SCN7A: variants seen among roughly 807,000 people sequenced by gnomAD.
SCN7A encodes the protein sodium voltage-gated channel alpha subunit 7.
In SCN7A, 138 loss-of-function variants were observed where a neutral mutation model predicts 155.2. That is an observed-to-expected ratio of 0.89 (90% CI 0.77 to 1.02). The LOEUF (loss-of-function observed/expected upper bound fraction) is 1.02, where lower values mean the gene tolerates loss of function less well. SCN7A is among the 50% of genes least tolerant of loss of function. SCN7A has a pLI of 0.00. For synonymous variants in SCN7A, 693 were observed against 649.0 expected, an observed-to-expected ratio of 1.07 and a Z score of -1.03; for missense variants, 2,058 against 1,986.6, an observed-to-expected ratio of 1.04 and a Z score of -0.68.
chr2:166,477,573 G>T lies in SCN7A; in HGVS notation c.124C>A (p.Pro42Thr). Reference protein sequence around the residue: ...DHEEEDLKPTPDLEVGKKLPF... With the variant: ...DHEEEDLKPTTDLEVGKKLPF... ...AGCTTTTTGCCAACTTCCAAATCAG[G>T]AGTTGGCTTTAAGTCTTCTTCTTCA... is the stretch of plus-strand genomic sequence containing the variant. Residue 42 changes from proline to threonine, a missense_variant, in exon 3 of 26, where the codon CCT becomes ACT. Physicochemically the swap from Pro to Thr is conservative, Grantham distance 38. Transcript: ENST00000643258. 1 of 1,582,254 alleles carries T rather than the reference G, an allele frequency of 6.3e-7. No homozygotes were observed. The highest frequency in any genetic ancestry group is 8.6e-7 in the Non-Finnish European group (1 of 1,161,990).
chr2:166,444,865 T>A lies in SCN7A; in HGVS notation c.1523A>T (p.Asp508Val). 6.2e-7 allele frequency: 1 copy of A among 1,612,510 alleles called. No individual in the cohort carries two copies. Among genetic ancestry groups the A allele is most frequent in the Non-Finnish European group, 8.5e-7 (1 of 1,178,858 alleles). Residue 508 changes from aspartate (D) to valine (V), a missense_variant, in exon 13 of 26, where the codon GAT becomes GTT. Transcript: ENST00000643258. ...AATTATGCATATGATAAGGAAAAGA[T>A]CAGTAAATGGTGCCATTATAATCCT... ...VHRIIMAPFT[D>V]LFLIICIILN...
At chr2:166,492,186 A>T (rs576818093) in intron 1 of SCN7A, among the ~76,000 whole-genome samples, 13 of 152,158 alleles carry the variant, frequency 8.5e-5, no homozygotes, top group African/African-American at 2.6e-4. Flanking sequence ...GTAGAGACTG[A>T]TATGCAGCAG....
intron 15 of SCN7A, among the ~76,000 whole-genome samples, chr2:166,433,110 G>A (rs1320338383): frequency 1.3e-5 from 2 of 151,982 alleles, no homozygotes; most frequent in Non-Finnish European, 2.9e-5. Context: ...TAAGCTTGTG[G>A]GAGTTATTTA....
chr2:166,410,294 T>C lies in SCN7A; in HGVS notation c.3637A>G (p.Lys1213Glu). ...AGCCTGCGGTACTGTTTTCTCTGTTTAACCGTTATAAAGATATTTGAGCCT... is the reference window on the plus strand; with the variant it reads ...AGCCTGCGGTACTGTTTTCTCTGTTCAACCGTTATAAAGATATTTGAGCCT... ...LGGSNIFITVKQRKQYRRLKK... is the reference protein window; with the variant it reads ...LGGSNIFITVEQRKQYRRLKK... The change falls in exon 24 of 26, where the codon AAA becomes GAA. Residue 1213 changes from lysine to glutamate, a missense_variant. Transcript: ENST00000643258. 6.4e-7 allele frequency: 1 copy of C among 1,551,734 alleles called. No homozygotes were observed. The highest frequency in any genetic ancestry group is 8.7e-7 in the Non-Finnish European group (1 of 1,146,552).
chr2:166,461,048 CTTT>C (rs34717897), intron 10 of SCN7A, among the ~76,000 whole-genome samples: 23,437 of 96,460 alleles, frequency 0.24, 2,222 homozygotes, highest in Admixed American at 0.29. Flanking sequence ...GTAATATTTT[CTTT>C]TTTTTTTTTT....
intron 9 of SCN7A, among the ~76,000 whole-genome samples, chr2:166,463,509 C>T (rs560597407): frequency 6.6e-6 from 1 of 152,162 alleles, no homozygotes; most frequent in South Asian, 2.1e-4. Context: ...ACCATGCAGC[C>T]AAGTATGACT....
chr2:166,459,604 T>C (rs1203137230), intron 10 of SCN7A, among the ~76,000 whole-genome samples: 1 of 152,166 alleles, frequency 6.6e-6, no homozygotes, highest in African/African-American at 2.4e-5. Context: ...CTATCCATAA[T>C]TAGTTCAGTT....
intron 11 of SCN7A, 47 bp downstream of exon 11, chr2:166,456,803 AATATATATATATATATATAT>A: frequency 7.9e-6 from 4 of 504,834 alleles, no homozygotes; most frequent in Non-Finnish European, 9.2e-6. Context: ...TCAAGACTAA[AATATATATATATATATATAT>A]ATATATAGAT....
Position 166,472,375 on chromosome 2 carries a change from A to T in SCN7A, c.514T>A (p.Ser172Thr). The T allele has an allele frequency of 6.2e-7, 1 of 1,608,932 alleles. No homozygotes were observed. Among genetic ancestry groups the T allele is most frequent in the Admixed American group, 1.7e-5 (1 of 59,498 alleles). Residue 172 changes from serine (S) to threonine (T), a missense_variant, in exon 6 of 26, where the codon TCA becomes ACA. Physicochemically the swap from Ser to Thr is moderately conservative, Grantham distance 58. Coordinates refer to ENST00000643258, the MANE Select transcript of SCN7A (RefSeq NM_002976.4). ...KLFARGVWAG[S>T]FSFLGDPWNW... ...CATGGATCACCGAGGAAGGAAAATG[A>T]TCCTGCCCAGACACCTCTTGCAAAG... is the stretch of plus-strand genomic sequence containing the variant.
rs757205344 is a variant in SCN7A at position 166,465,839 on chromosome 2, G to C, written c.813C>G (p.Pro271=). ...GNLKHKCFRW[P]QENENETLHN... ...GCAGGGTTTCATTTTCATTCTCTTG[G>C]GGCCATCGAAAACATTTATGTTTCA... is the stretch of plus-strand genomic sequence containing the variant. The change falls in exon 8 of 26, where the codon CCC becomes CCG. Residue 271 remains proline, a synonymous_variant. Coordinates refer to ENST00000643258, the MANE Select transcript of SCN7A (RefSeq NM_002976.4). 1 of 1,613,512 alleles carries C rather than the reference G, an allele frequency of 6.2e-7. No individual in the cohort carries two copies. The highest frequency in any genetic ancestry group is 8.5e-7 in the Non-Finnish European group (1 of 1,179,834).
intron 7 of SCN7A, among the ~76,000 whole-genome samples, chr2:166,467,016 T>C (rs1177004334): frequency 6.6e-6 from 1 of 151,950 alleles, no homozygotes; most frequent in African/African-American, 2.4e-5. Context: ...TTTGACATCA[T>C]AATAAAATCT....
At chr2:166,476,936 T>A (rs565445733) in intron 3 of SCN7A, among the ~76,000 whole-genome samples, 2 of 152,200 alleles carry the variant, frequency 1.3e-5, no homozygotes, top group East Asian at 3.9e-4. Flanking sequence ...ATTATTTTTA[T>A]ATTTAGCATT....
intron 2 of SCN7A, among the ~76,000 whole-genome samples, chr2:166,485,533 G>A (rs746470793): frequency 6.6e-6 from 1 of 152,080 alleles, no homozygotes; most frequent in Non-Finnish European, 1.5e-5. Flanking sequence ...AAAAGGACAC[G>A]AATCACTGGG....
chr2:166,465,150 G>GACACAGCAAAAAGGTACCATC (rs1702500522), intron 9 of SCN7A, among the ~76,000 whole-genome samples: 1 of 152,098 alleles, frequency 6.6e-6, no homozygotes, highest in South Asian at 2.1e-4. Context: ...GCTATGTGAG[G>GACACAGCAAAAAGGTACCATC]ACACAGCAAA....
rs537315701 is a variant in SCN7A at position 166,404,142 on chromosome 2, A to G, written c.*1438T>C. On this transcript the variant is annotated 3_prime_UTR_variant, in exon 26 of 26. Coordinates refer to ENST00000643258, the MANE Select transcript of SCN7A (RefSeq NM_002976.4). ...AACATATTTAAAGGATGATATTTAAATCAATAATATATAAATTTTCTTTCT... is the reference window on the plus strand; with the variant it reads ...AACATATTTAAAGGATGATATTTAAGTCAATAATATATAAATTTTCTTTCT... The G allele has an allele frequency of 6.6e-6, 1 of 152,070 alleles. No individual in the cohort carries two copies. Among genetic ancestry groups the G allele is most frequent in the South Asian group, 2.1e-4 (1 of 4,828 alleles). The allele number at this position is 152,070 out of a possible 1,614,324, so 9.4% of individuals were successfully genotyped here.
At chr2:166,439,051 G>GTATATATATATATA (rs1200483058) in intron 15 of SCN7A, among the ~76,000 whole-genome samples, 1 of 67,496 alleles carries the variant, frequency 1.5e-5, no homozygotes, top group African/African-American at 8.3e-5. Flanking sequence ...ATGTGTGTGT[G>GTATATATATATATA]TGTGTATATA....
chr2:166,469,889 C>G (rs1702616485), intron 7 of SCN7A, among the ~76,000 whole-genome samples: 2 of 151,878 alleles, frequency 1.3e-5, no homozygotes, highest in African/African-American at 4.8e-5. Flanking sequence ...TTTCATAGAC[C>G]AGAAAGAAGC....
chr2:166,457,650 T>C (rs1702314970), intron 10 of SCN7A, among the ~76,000 whole-genome samples: 1 of 152,184 alleles, frequency 6.6e-6, no homozygotes, highest in Non-Finnish European at 1.5e-5. Flanking sequence ...AAATTATCCA[T>C]TTACATGAAG....
At position 166,405,975 on chromosome 2, in the gene SCN7A, C is replaced by T. The variant is rs867423959; in HGVS notation, c.4654G>A (p.Ala1552Thr). Residue 1552 changes from alanine to threonine, a missense_variant, in exon 26 of 26, where the codon GCA (alanine) becomes ACA (threonine). Coordinates refer to ENST00000643258, the MANE Select transcript of SCN7A (RefSeq NM_002976.4). Reference sequence around the variant, plus strand: ...ATGAGCTGGCCCTTGTTTGGTTTTGCCATGAAAAGAGGAGGATCAAGAGCA... The same window carrying T: ...ATGAGCTGGCCCTTGTTTGGTTTTGTCATGAAAAGAGGAGGATCAAGAGCA... ...AAALDPPLFM[A>T]KPNKGQLIAL... is the part of the protein sequence containing the mutation. 2 of 1,612,774 alleles carry T rather than the reference C, an allele frequency of 1.2e-6. No homozygotes were observed. The highest frequency in any genetic ancestry group is 2.7e-5 in the African/African-American group (2 of 74,770).
Sources: allele counts gnomAD v4.1 joint callset (sites outside exome capture counted in the v4.1 genomes callset), GRCh38; gene constraint gnomAD v4.1.1; transcripts MANE v1.5; gene names NCBI Gene and HGNC (gene_info 2026-07-23, HGNC 2026-07-21).